SIPA1L1: variants seen among roughly 807,000 people sequenced by gnomAD.
The protein encoded by SIPA1L1 is signal-induced proliferation-associated 1-like protein 1.
In SIPA1L1, 26 loss-of-function variants were observed where a neutral mutation model predicts 162.7. That is an observed-to-expected ratio of 0.16 (90% CI 0.12 to 0.22). SIPA1L1 has a LOEUF of 0.22. Among genes scored for constraint, SIPA1L1 ranks in the 10% least tolerant of loss-of-function variants. The probability of loss-of-function intolerance (pLI) is 1.00; values close to 1 mark genes in which losing one functional copy is unlikely to be tolerated. For missense variants in SIPA1L1, 1,874 were observed against 2,241.0 expected (o/e 0.84, Z 3.31); for synonymous variants, 829 against 837.4 (o/e 0.99, Z 0.17).
chr14:71,398,077 G>T (rs923578740), intron 2 of SIPA1L1, among the ~76,000 whole-genome samples: 1 of 143,564 alleles, frequency 7.0e-6, no homozygotes, highest in Non-Finnish European at 1.5e-5. Context: ...CTGCAGTGGC[G>T]CTATCTCTGC....
chr14:71,475,443 G>T lies in SIPA1L1; in HGVS notation c.-464-37300G>T, dbSNP rs571957191. ...CCCCCTCCTCCTCTTTGTGATGATG[G>T]TGGTGGGGGATTAGGTAATACCTTC... On this transcript the variant is annotated intron_variant, in intron 2 of 23. Coordinates refer to ENST00000381232, the MANE Select transcript of SIPA1L1 (RefSeq NM_001386936.1). Among the ~76,000 whole-genome samples, 5 of 152,244 alleles carry T rather than the reference G, an allele frequency of 3.3e-5. No individual in the cohort carries two copies. The East Asian group carries it at 9.7e-4, about 29-fold the overall frequency.
At chr14:71,557,791 T>A (rs1249511510) in intron 4 of SIPA1L1, among the ~76,000 whole-genome samples, 3 of 152,228 alleles carry the variant, frequency 2.0e-5, no homozygotes, top group African/African-American at 7.2e-5. Context: ...GATTGTAGCA[T>A]TAGGCTCAAG....
intron 2 of SIPA1L1, among the ~76,000 whole-genome samples, chr14:71,356,023 T>C (rs896594310): frequency 6.6e-6 from 1 of 152,170 alleles, no homozygotes; most frequent in Non-Finnish European, 1.5e-5. Context: ...TTGCCAGTTC[T>C]GCACTGTGGA....
chr14:71,700,347 A>G (rs953981424), intron 14 of SIPA1L1, among the ~76,000 whole-genome samples: 22 of 152,212 alleles, frequency 1.4e-4, no homozygotes, highest in African/African-American at 5.1e-4. Flanking sequence ...CAGCCGGACA[A>G]CATAGCCTGT....
chr14:71,327,137 C>A (rs1321351671), intron 2 of SIPA1L1, among the ~76,000 whole-genome samples: 2 of 141,930 alleles, frequency 1.4e-5, no homozygotes, highest in African/African-American at 5.3e-5. Flanking sequence ...GGCTGGAGTG[C>A]AGTGATGTGA....
At chr14:71,673,507 T>C (rs2044748847) in intron 12 of SIPA1L1, among the ~76,000 whole-genome samples, 1 of 152,182 alleles carries the variant, frequency 6.6e-6, no homozygotes, top group Non-Finnish European at 1.5e-5. Flanking sequence ...CTCTCATGGA[T>C]TTGTGAATAT....
chr14:71,608,837 G>T (rs2037841264), intron 5 of SIPA1L1, among the ~76,000 whole-genome samples: 1 of 152,144 alleles, frequency 6.6e-6, no homozygotes. Flanking sequence ...GGAGGTTGCA[G>T]TGAGCCATCG....
At chr14:71,482,717 A>G (rs986233742) in intron 2 of SIPA1L1, among the ~76,000 whole-genome samples, 12 of 152,188 alleles carry the variant, frequency 7.9e-5, no homozygotes, top group African/African-American at 2.4e-4. Context: ...GAATGATCTT[A>G]TGGAGATGAG....
chr14:71,442,498 G>C, intron 2 of SIPA1L1, among the ~76,000 whole-genome samples: 1 of 152,114 alleles, frequency 6.6e-6, no homozygotes, highest in East Asian at 1.9e-4. Context: ...ATCTAATGAA[G>C]AGAAAGTTGA....
chr14:71,730,432 C>G (rs1281845088), intron 20 of SIPA1L1, 131 bp downstream of exon 20: 1 of 1,054,242 alleles, frequency 9.5e-7, no homozygotes, highest in Non-Finnish European at 1.4e-6. Flanking sequence ...TCACCCGCCC[C>G]TTCCTCATTT....
chr14:71,370,367 C>T (rs560533286), intron 2 of SIPA1L1, among the ~76,000 whole-genome samples: 32 of 152,162 alleles, frequency 2.1e-4, no homozygotes, highest in African/African-American at 4.8e-4. Flanking sequence ...GAGTTTTTAG[C>T]ATGAAGGGTT....
chr14:71,663,860 T>C (rs1447213341), intron 10 of SIPA1L1, among the ~76,000 whole-genome samples: 1 of 152,232 alleles, frequency 6.6e-6, no homozygotes, highest in African/African-American at 2.4e-5. Context: ...AACACACAGC[T>C]TTTAAGCTGT....
At chr14:71,698,867 C>T (rs1220623410) in intron 13 of SIPA1L1, 114 bp from the exon 14 acceptor site, 1 of 888,400 alleles carries the variant, frequency 1.1e-6, no homozygotes, top group Non-Finnish European at 1.6e-6. Flanking sequence ...TTCATTTTCA[C>T]TATCTCCATG....
chr14:71,350,129 A>G (rs2140572267), intron 2 of SIPA1L1, among the ~76,000 whole-genome samples: 1 of 152,224 alleles, frequency 6.6e-6, no homozygotes, highest in South Asian at 2.1e-4. Flanking sequence ...TCGTGATCAC[A>G]GACCTCGTGA....
At chr14:71,413,345 G>A (rs2042539528) in intron 2 of SIPA1L1, among the ~76,000 whole-genome samples, 1 of 152,192 alleles carries the variant, frequency 6.6e-6, no homozygotes, top group Non-Finnish European at 1.5e-5. Flanking sequence ...TCCAGGGTGA[G>A]ATCTTTGAGT....
rs909378471 is a variant in SIPA1L1, at chr14:71,723,570, C to T, written c.4209-77C>T. On this transcript the variant is annotated intron_variant, in intron 17 of 23. Coordinates refer to ENST00000381232, the MANE Select transcript of SIPA1L1 (RefSeq NM_001386936.1). ...TCACTGTTGTTCAACCCAGCCATCA[C>T]CCGTACCCCGGACAGCACTTTTATA... 8 of 1,549,606 alleles carry T rather than the reference C, an allele frequency of 5.2e-6. No homozygotes were observed. In the East Asian group the frequency reaches 1.1e-4, roughly 22 times the overall value.
At chr14:71,666,868 TAAAA>T (rs960598363) in intron 10 of SIPA1L1, among the ~76,000 whole-genome samples, 7 of 78,186 alleles carry the variant, frequency 9.0e-5, no homozygotes, top group Non-Finnish European at 5.2e-5. Flanking sequence ...TTCCTCTCTG[TAAAA>T]AAAAAAAAAA....
At chr14:71,409,890 C>CT (rs934043324) in intron 2 of SIPA1L1, among the ~76,000 whole-genome samples, 10 of 152,120 alleles carry the variant, frequency 6.6e-5, no homozygotes, top group Admixed American at 1.3e-4. Context: ...GAATTGTTAG[C>CT]TTATCAAAGT....
At chr14:71,444,208 T>C (rs1302233282) in intron 2 of SIPA1L1, among the ~76,000 whole-genome samples, 1 of 152,148 alleles carries the variant, frequency 6.6e-6, no homozygotes, top group African/African-American at 2.4e-5. Flanking sequence ...CAATTCACGT[T>C]CTCGAAAGTA....
Sources: gnomAD v4.1 joint callset for allele counts (sites outside exome capture counted in the v4.1 genomes callset) on GRCh38, gnomAD v4.1.1 for gene constraint, MANE v1.5 for transcripts, NCBI Gene and HGNC (gene_info 2026-07-23, HGNC 2026-07-21) for gene names.